Variants in BCORL1 observed in about 807,000 individuals in gnomAD.
BCORL1 encodes BCL-6 corepressor-like protein 1.
In BCORL1, 7 loss-of-function variants were observed where a neutral mutation model predicts 87.6. The observed-to-expected ratio is 0.08, with a 90% confidence interval of 0.05 to 0.15. The LOEUF is 0.15. Ranked by LOEUF, BCORL1 falls within the 10% of genes least tolerant of loss-of-function variation. The pLI is 1.00. For missense variants in BCORL1, 1,215 were observed against 1,499.7 expected, an observed-to-expected ratio of 0.81 and a Z score of 3.13; for synonymous variants, 591 against 634.4, an observed-to-expected ratio of 0.93 and a Z score of 1.03.
intron 8 of BCORL1, among the ~76,000 whole-genome samples, chrX:130,032,130 T>G (rs1930646102): frequency 8.9e-6 from 1 of 112,051 alleles, no homozygotes; most frequent in African/African-American, 3.2e-5. Flanking sequence ...ACTATACAAC[T>G]TAGCAGCTTT....
chrX:129,999,032 A>G (rs1161751651), intron 1 of BCORL1, among the ~76,000 whole-genome samples: 3 of 103,577 alleles, frequency 2.9e-5, no homozygotes, highest in Non-Finnish European at 5.9e-5. Flanking sequence ...AATTATTTTG[A>G]TATTTTAACT....
chrX:130,009,999 C>T (rs540628719), intron 2 of BCORL1, among the ~76,000 whole-genome samples: 2 of 112,028 alleles, frequency 1.8e-5, no homozygotes, highest in Admixed American at 9.5e-5. Context: ...ATTTGAAACA[C>T]GGCTGCATGA....
chrX:130,022,137 CT>C (rs1260691317), intron 5 of BCORL1, among the ~76,000 whole-genome samples: 1 of 110,488 alleles, frequency 9.1e-6, no homozygotes, highest in African/African-American at 3.3e-5. Context: ...TTGTTCCTAT[CT>C]TCCCACCTCA....
rs1242528271 is a variant in BCORL1 at position 130,016,028 on chromosome X, G to A, written c.3256G>A (p.Ala1086Thr). 8.3e-7 allele frequency: 1 copy of A among 1,210,004 alleles called. No homozygotes were observed. The highest frequency in any genetic ancestry group is 3.0e-5 in the East Asian group (1 of 33,760). Residue 1086 changes from alanine (A) to threonine (T), a missense_variant, in exon 4 of 14, where the codon GCC (alanine) becomes ACC (threonine). Transcript: ENST00000540052. ...QRGQAEVRAK[A>T]GQARVKQESV... is the part of the protein sequence containing the mutation. ...GGGCCAAGCTGAAGTTCGGGCTAAGGCCGGGCAGGCTCGAGTGAAACAGGA... is the reference window on the plus strand; with the variant it reads ...GGGCCAAGCTGAAGTTCGGGCTAAGACCGGGCAGGCTCGAGTGAAACAGGA...
At position 130,051,885 on chromosome X, in the gene BCORL1, C is replaced by G; in HGVS notation, c.4944C>G (p.Asp1648Glu). ...AGGAAAAAGACGGGTTTGCCTGTGA[C>G]CTCCTACATAATCCTCCTGGGAGCT... ...VLEEKDGFAC[D>E]LLHNPPGSSD... The change falls in exon 13 of 14, where the codon GAC becomes GAG. Residue 1648 changes from aspartate (D) to glutamate (E), a missense_variant. Asp to Glu is a conservative substitution (Grantham distance 45, BLOSUM62 2). Around this residue, in one of 5 missense-constraint regions of BCORL1, gnomAD observed 129 missense variants for 157.5 expected, o/e 0.82. Transcript: ENST00000540052. 1 of 1,204,031 alleles carries G rather than the reference C, an allele frequency of 8.3e-7. No homozygotes were observed. The highest frequency in any genetic ancestry group is 2.2e-5 in the Admixed American group (1 of 44,909).
At chrX:130,009,361 AG>A (rs1244314380) in intron 2 of BCORL1, among the ~76,000 whole-genome samples, 1 of 109,182 alleles carries the variant, frequency 9.2e-6, no homozygotes. Context: ...GCTACTCGGG[AG>A]GCTCAGGCGT....
chrX:130,041,907 G>A (rs908605368), intron 11 of BCORL1, among the ~76,000 whole-genome samples: 3 of 112,078 alleles, frequency 2.7e-5, no homozygotes, highest in Admixed American at 9.5e-5. Flanking sequence ...AATTACAGGC[G>A]TGAGCCACCG....
intron 11 of BCORL1, among the ~76,000 whole-genome samples, chrX:130,043,266 G>T (rs1396563988): frequency 9.0e-6 from 1 of 111,397 alleles, no homozygotes; most frequent in African/African-American, 3.3e-5. Context: ...CTGACCTCAA[G>T]TGATCCGCCT....
intron 9 of BCORL1, among the ~76,000 whole-genome samples, chrX:130,036,262 CTTT>C (rs747499783): frequency 9.8e-6 from 1 of 101,763 alleles, no homozygotes; most frequent in Non-Finnish European, 2.0e-5. Context: ...TTGGATTATC[CTTT>C]TTTTTTTTTT....
chrX:129,983,425 T>TG (rs1569353042), intron 1 of BCORL1, among the ~76,000 whole-genome samples: 4 of 66,194 alleles, frequency 6.0e-5, no homozygotes, highest in African/African-American at 2.3e-4. Flanking sequence ...AGGCTTTTTT[T>TG]TGGGGGGGGG....
At chrX:130,033,564 C>T (rs982791138) in intron 8 of BCORL1, among the ~76,000 whole-genome samples, 1 of 112,436 alleles carries the variant, frequency 8.9e-6, no homozygotes, top group African/African-American at 3.2e-5. Context: ...ATCTTTCTAC[C>T]ACCCCAGGGG....
intron 11 of BCORL1, among the ~76,000 whole-genome samples, chrX:130,046,748 G>A (rs750912287): frequency 2.7e-5 from 3 of 110,606 alleles, no homozygotes; most frequent in East Asian, 2.8e-4. Flanking sequence ...AGGTTTCACC[G>A]TGTTAGCCAG....
chrX:130,005,187 G>A lies in BCORL1; in HGVS notation c.-44-1G>A, dbSNP rs1309427433. 9.0e-7 allele frequency: 1 copy of A among 1,110,976 alleles called. No homozygotes were observed. Among genetic ancestry groups the A allele is most frequent in the Non-Finnish European group, 1.2e-6 (1 of 817,871 alleles). The allele number at this position is 1,110,976 out of a possible 1,213,427, so 91.6% of individuals were successfully genotyped here. The stretch of plus-strand genomic sequence containing the variant: ...TGATTTTCTGGAATTCTTTTCCCCA[G>A]GGGGAGTGGCCACAGCAGGTCCTAT... On this transcript the variant is annotated splice_acceptor_variant, in intron 1 of 13. Coordinates refer to ENST00000540052, the MANE Select transcript of BCORL1 (RefSeq NM_001379451.1). LOFTEE classifies it low-confidence loss of function (5UTR_SPLICE).
intron 11 of BCORL1, among the ~76,000 whole-genome samples, chrX:130,048,742 A>G (rs1471925592): frequency 8.9e-6 from 1 of 112,389 alleles, no homozygotes; most frequent in Non-Finnish European, 1.9e-5. Flanking sequence ...AATGTTGTGC[A>G]ACTACCACCA....
chrX:130,037,663 C>A lies in BCORL1; in HGVS notation c.4694+130C>A, dbSNP rs749628014. The A allele has an allele frequency of 2.8e-5, 22 of 772,584 alleles. No homozygotes were observed. The African/African-American group carries it at 4.5e-4, about 16-fold the overall frequency. The allele number at this position is 772,584 out of a possible 1,213,427, so 63.7% of individuals were successfully genotyped here. A position where few individuals can be genotyped will look rare whatever the true frequency, so the allele number is the denominator to read the frequency against. On this transcript the variant is annotated intron_variant, in intron 10 of 13. Transcript: ENST00000540052. ...ATCCCAGCACTTTGGGAGGCCAAGG[C>A]GGGCGGATCATGAGGTCAGGAGTTC...
At chrX:130,028,999 G>C (rs981493310) in intron 8 of BCORL1, 138 bp downstream of exon 8, 9 of 524,145 alleles carry the variant, frequency 1.7e-5, no homozygotes, top group East Asian at 3.7e-5. Context: ...CGAAGGGTTG[G>C]GGGTGGATTT....
chrX:130,020,846 T>C lies in BCORL1; in HGVS notation c.3442-139T>C, dbSNP rs144273798. 3.3e-3 allele frequency: 2,215 copies of C among 676,226 alleles called. 47 individuals carry two copies. The Admixed American group carries it at 0.082, about 25-fold the overall frequency. 55.7% of individuals were successfully genotyped at this position (676,226 alleles called of 1,213,427 possible). ...CCCTGTCACCCACTCTGGAAGGCAGTGCACGGCCCCTTGCCCCTGGTCCCC... is the reference window on the plus strand; with the variant it reads ...CCCTGTCACCCACTCTGGAAGGCAGCGCACGGCCCCTTGCCCCTGGTCCCC... On this transcript the variant is annotated intron_variant, in intron 4 of 13. Transcript: ENST00000540052.
At chrX:130,042,718 T>A (rs1376623319) in intron 11 of BCORL1, among the ~76,000 whole-genome samples, 1 of 111,619 alleles carries the variant, frequency 9.0e-6, no homozygotes, top group Non-Finnish European at 1.9e-5. Flanking sequence ...ACCCCTGTAA[T>A]CCCAGCACTT....
chrX:129,993,618 G>A (rs915614878), intron 1 of BCORL1, among the ~76,000 whole-genome samples: 1 of 111,260 alleles, frequency 9.0e-6, no homozygotes, highest in Non-Finnish European at 1.9e-5. Flanking sequence ...AGCCTGGGAG[G>A]TCAAGGTTGC....
Sources: gnomAD v4.1 joint callset for allele counts (sites outside exome capture counted in the v4.1 genomes callset) on GRCh38, gnomAD v4.1.1 for gene constraint, gnomAD v4.1.1 regional missense constraint, MANE v1.5 for transcripts, NCBI Gene and HGNC (gene_info 2026-07-23, HGNC 2026-07-21) for gene names.